B3GALT1: variants seen among roughly 807,000 people sequenced by gnomAD.
B3GALT1 encodes the protein beta-1,3-galactosyltransferase 1, also known as UDP-Gal:betaGlcNAc beta 1,3-galactosyltransferase, polypeptide 1.
A neutral mutation model predicts 23.2 loss-of-function variants in B3GALT1; 10 were observed. The ratio of observed to expected loss-of-function variants is 0.43; its 90% CI spans 0.27 to 0.73. The LOEUF is 0.73. B3GALT1 is among the 30% of genes least tolerant of loss of function. B3GALT1 has a pLI of 0.21. For missense variants in B3GALT1, 299 were observed against 405.4 expected (o/e 0.74, Z 2.25); for synonymous variants, 156 against 141.5 (o/e 1.10, Z -0.73).
intron 1 of B3GALT1, among the ~76,000 whole-genome samples, chr2:167,486,368 A>AAG (rs1699627370): frequency 6.7e-6 from 1 of 148,834 alleles, no homozygotes; most frequent in Non-Finnish European, 1.5e-5. Context: ...AAAAAAAAAA[A>AAG]AAAGAAAAGA....
At chr2:167,806,324 T>G (rs1688752438) in intron 3 of B3GALT1, among the ~76,000 whole-genome samples, 1 of 152,220 alleles carries the variant, frequency 6.6e-6, no homozygotes. Flanking sequence ...CTTTATTTCC[T>G]TCTCCTGTCT....
chr2:167,686,152 C>G (rs1228995685), intron 3 of B3GALT1, among the ~76,000 whole-genome samples: 3 of 152,120 alleles, frequency 2.0e-5, no homozygotes, highest in African/African-American at 7.2e-5. Context: ...AGATAGTACA[C>G]TAGGATTTAT....
At chr2:167,442,018 A>G (rs1263973058) in intron 1 of B3GALT1, among the ~76,000 whole-genome samples, 5 of 151,680 alleles carry the variant, frequency 3.3e-5, no homozygotes, top group African/African-American at 9.7e-5. Context: ...TCCCAATGCT[A>G]TCCCTCCCCA....
chr2:167,441,084 T>A (rs2105312955), intron 1 of B3GALT1, among the ~76,000 whole-genome samples: 1 of 152,288 alleles, frequency 6.6e-6, no homozygotes, highest in Admixed American at 6.5e-5. Flanking sequence ...GAACCTAGAT[T>A]CTGATTATAG....
intron 3 of B3GALT1, among the ~76,000 whole-genome samples, chr2:167,800,046 CACTA>C (rs1688611764): frequency 6.6e-6 from 1 of 152,124 alleles, no homozygotes; most frequent in Non-Finnish European, 1.5e-5. Flanking sequence ...CTGTTTTGTA[CACTA>C]ACTTATTCCA....
At chr2:167,677,979 A>G (rs913622911) in intron 3 of B3GALT1, among the ~76,000 whole-genome samples, 1 of 152,208 alleles carries the variant, frequency 6.6e-6, no homozygotes, top group Admixed American at 6.5e-5. Context: ...AACCAACCCC[A>G]TGATCTAATC....
intron 3 of B3GALT1, among the ~76,000 whole-genome samples, chr2:167,774,323 T>C (rs534812244): frequency 1.0e-3 from 154 of 152,236 alleles, no homozygotes; most frequent in Non-Finnish European, 1.7e-3. Context: ...CAGTAATCCA[T>C]ATCAAAATGA....
At chr2:167,470,146 A>G (rs768570696) in intron 1 of B3GALT1, among the ~76,000 whole-genome samples, 45 of 152,180 alleles carry the variant, frequency 3.0e-4, no homozygotes, top group Non-Finnish European at 5.1e-4. Flanking sequence ...CCATGTCTCT[A>G]TTTGATTTCT....
At chr2:167,814,530 G>A (rs1237311069) in intron 3 of B3GALT1, among the ~76,000 whole-genome samples, 2 of 152,176 alleles carry the variant, frequency 1.3e-5, no homozygotes, top group African/African-American at 2.4e-5. Flanking sequence ...CGGAGGCTGA[G>A]GCAGGCGGAT....
chr2:167,419,009 G>T (rs578111813), intron 1 of B3GALT1, among the ~76,000 whole-genome samples: 26 of 152,296 alleles, frequency 1.7e-4, no homozygotes, highest in Non-Finnish European at 3.5e-4. Flanking sequence ...CTGTAGGAAT[G>T]AGATGGCTCT....
chr2:167,467,471 G>A (rs748819662), intron 1 of B3GALT1, among the ~76,000 whole-genome samples: 17 of 152,046 alleles, frequency 1.1e-4, no homozygotes, highest in East Asian at 3.9e-4. Context: ...TTACTCCTAC[G>A]TGTTTGTAAT....
chr2:167,549,221 G>A (rs1683703436), intron 2 of B3GALT1, among the ~76,000 whole-genome samples: 1 of 152,122 alleles, frequency 6.6e-6, no homozygotes, highest in South Asian at 2.1e-4. Flanking sequence ...GTATGTTGGC[G>A]GGGGGCTCAC....
intron 3 of B3GALT1, among the ~76,000 whole-genome samples, chr2:167,758,921 A>C (rs919968588): frequency 1.3e-5 from 2 of 152,120 alleles, no homozygotes; most frequent in Non-Finnish European, 2.9e-5. Flanking sequence ...CTGTATGGAA[A>C]GAAGCTTTCG....
chr2:167,389,055 TC>T (rs1697975741), intron 1 of B3GALT1, among the ~76,000 whole-genome samples: 3 of 152,166 alleles, frequency 2.0e-5, no homozygotes, highest in Non-Finnish European at 2.9e-5. Flanking sequence ...CAAGAATATA[TC>T]AGCTTTTTGG....
At chr2:167,699,568 T>G in intron 3 of B3GALT1, among the ~76,000 whole-genome samples, 1 of 152,196 alleles carries the variant, frequency 6.6e-6, no homozygotes, top group Non-Finnish European at 1.5e-5. Context: ...TCCTACAATT[T>G]TTATGTCTAA....
intron 2 of B3GALT1, among the ~76,000 whole-genome samples, chr2:167,628,043 A>G (rs1195033443): frequency 6.6e-6 from 1 of 151,750 alleles, no homozygotes; most frequent in Admixed American, 6.6e-5. Flanking sequence ...ATTTAAAAAA[A>G]TTTGGATTAT....
intron 2 of B3GALT1, among the ~76,000 whole-genome samples, chr2:167,638,812 T>G (rs1306978708): frequency 6.6e-6 from 1 of 152,058 alleles, no homozygotes; most frequent in Non-Finnish European, 1.5e-5. Context: ...ATATCAAACT[T>G]TTAGTGTTAA....
chr2:167,467,194 C>T (rs758941590), intron 1 of B3GALT1, among the ~76,000 whole-genome samples: 25 of 151,758 alleles, frequency 1.6e-4, no homozygotes, highest in Admixed American at 9.2e-4. Context: ...AGAAAAAGAG[C>T]CAAGCCGACT....
At chr2:167,450,242 A>T (rs1388650720) in intron 1 of B3GALT1, among the ~76,000 whole-genome samples, 1 of 150,632 alleles carries the variant, frequency 6.6e-6, no homozygotes. Flanking sequence ...TTTGTTGGCA[A>T]TTTTTTTTAT....
Sources: allele counts gnomAD v4.1 joint callset (sites outside exome capture counted in the v4.1 genomes callset), GRCh38; gene constraint gnomAD v4.1.1; transcripts MANE v1.5; gene names NCBI Gene and HGNC (gene_info 2026-07-23, HGNC 2026-07-21).